CHD9: variants seen among roughly 807,000 people sequenced by gnomAD.
CHD9 encodes ATP-dependent chromatin remodeler CHD9.
Under a neutral mutation model 316.1 loss-of-function variants are expected in CHD9, and 77 were observed. The ratio of observed to expected loss-of-function variants is 0.24; its 90% CI spans 0.20 to 0.29. The LOEUF (loss-of-function observed/expected upper bound fraction) is 0.29. CHD9 is among the 10% of genes least tolerant of loss of function. CHD9 has a pLI of 1.00. For synonymous variants in CHD9, 1,129 were observed against 1,158.3 expected (o/e 0.97, Z 0.51); for missense variants, 2,763 against 3,438.1 (o/e 0.80, Z 4.91).
chr16:53,247,037 A>G (rs1478770348), intron 15 of CHD9, among the ~76,000 whole-genome samples: 1 of 152,240 alleles, frequency 6.6e-6, no homozygotes, highest in Non-Finnish European at 1.5e-5. Flanking sequence ...ACATAAATTT[A>G]TAAAAGGCAT....
Position 53,321,565 on chromosome 16 carries a change from A to C in CHD9, c.7753A>C (p.Arg2585=). 1 of 1,554,088 alleles carries C rather than the reference A, an allele frequency of 6.4e-7. No individual in the cohort carries two copies. ...TGCTCCCCCTTTGAAAGATTTATGT[A>C]GATTCCTAAAAGAAAATTCAGAATA... The part of the protein sequence containing the change: ...AFAPPLKDLC[R]FLKENSEYGV... Residue 2585 remains arginine, a synonymous_variant, in exon 38 of 39, where the codon AGA becomes CGA. Transcript: ENST00000447540.
chr16:53,306,177 TTATA>T lies in CHD9; in HGVS notation c.6620-55_6620-52del, dbSNP rs1310981374. On this transcript the variant is annotated intron_variant, in intron 31 of 38. Transcript: ENST00000447540. The stretch of plus-strand genomic sequence containing the variant: ...GTTTCTGAATAATTATGTAAAATCC[TTATA>T]TATAAAACTATTTTATGTAGTCTTT... The T allele has an allele frequency of 2.9e-5, 29 of 989,266 alleles. No individual in the cohort carries two copies. The East Asian group carries it at 9.0e-4, about 31-fold the overall frequency. 61.3% of individuals were successfully genotyped at this position (989,266 alleles called of 1,614,324 possible). A position where few individuals can be genotyped will look rare whatever the true frequency, so the allele number is the denominator to read the frequency against.
intron 19 of CHD9, among the ~76,000 whole-genome samples, chr16:53,256,645 T>G (rs1248099994): frequency 7.4e-6 from 1 of 134,978 alleles, no homozygotes; most frequent in Non-Finnish European, 1.6e-5. Flanking sequence ...TCTTTCTCTC[T>G]CCTTTTTTTT....
chr16:53,081,243 C>G (rs1346723888), intron 1 of CHD9, among the ~76,000 whole-genome samples: 2 of 152,200 alleles, frequency 1.3e-5, no homozygotes, highest in Non-Finnish European at 2.9e-5. Flanking sequence ...TCAGGACAGT[C>G]TTTGGTGGAT....
At chr16:53,056,544 T>C (rs2152488846) in intron 1 of CHD9, among the ~76,000 whole-genome samples, 1 of 152,300 alleles carries the variant, frequency 6.6e-6, no homozygotes, top group South Asian at 2.1e-4. Flanking sequence ...AAGAAGCATG[T>C]CCCATATTTG....
chr16:53,192,137 AC>A (rs1234601978), intron 2 of CHD9, among the ~76,000 whole-genome samples: 1 of 151,888 alleles, frequency 6.6e-6, no homozygotes, highest in Non-Finnish European at 1.5e-5. Flanking sequence ...ATGTGCCTGC[AC>A]ACATGCGTGT....
chr16:53,236,296 C>T (rs1167180707), intron 11 of CHD9, among the ~76,000 whole-genome samples: 1 of 152,068 alleles, frequency 6.6e-6, no homozygotes. Context: ...ATGACTGCTT[C>T]ATAGAGAAAC....
chr16:53,199,535 T>C (rs1368222704), intron 2 of CHD9, among the ~76,000 whole-genome samples: 2 of 152,210 alleles, frequency 1.3e-5, no homozygotes, highest in Non-Finnish European at 2.9e-5. Context: ...AGTTTGGGCA[T>C]TTAGTGTACT....
intron 24 of CHD9, among the ~76,000 whole-genome samples, chr16:53,280,911 G>A (rs771367969): frequency 7.2e-5 from 11 of 151,932 alleles, no homozygotes; most frequent in Non-Finnish European, 1.0e-4. Context: ...TTACTCCCTC[G>A]TCCTCCATAA....
intron 2 of CHD9, among the ~76,000 whole-genome samples, chr16:53,160,736 G>A (rs892932155): frequency 2.6e-5 from 4 of 152,028 alleles, no homozygotes; most frequent in Admixed American, 6.6e-5. Context: ...GTGAAACCCC[G>A]TCTCTACTAA....
chr16:53,112,643 A>G lies in CHD9; in HGVS notation c.-164-43283A>G, dbSNP rs541671806. Among the ~76,000 whole-genome samples the G allele has an allele frequency of 1.2e-3, 184 of 152,350 alleles. 2 individuals carry two copies. In the Middle Eastern group the frequency reaches 0.024, roughly 20 times the overall value. On this transcript the variant is annotated intron_variant, in intron 1 of 38. Transcript: ENST00000447540. ...GATTTTTTTTTCCTTAAAGTTCACT[A>G]ACAAGACAAAAGACCAGTACTTTTT...
chr16:53,207,493 C>T (rs1482956253), intron 2 of CHD9, among the ~76,000 whole-genome samples: 1 of 152,108 alleles, frequency 6.6e-6, no homozygotes, highest in Non-Finnish European at 1.5e-5. Flanking sequence ...AAATTTTAAG[C>T]TTCTTTTTAT....
In CHD9 at chr16:53,157,215, G is replaced by A; in HGVS notation, c.1126G>A (p.Asp376Asn). The change falls in exon 2 of 39, where the codon GAT (aspartate) becomes AAT (asparagine). Residue 376 changes from aspartate to asparagine, a missense_variant. Around this residue, in one of 15 missense-constraint regions of CHD9, gnomAD observed 859 missense variants for 890.4 expected, o/e 0.96. Coordinates refer to ENST00000447540, the MANE Select transcript of CHD9 (RefSeq NM_001308319.2). ...DSGTQMGHFN[D>N]HVETNGFSSL... ...AGGAACTCAAATGGGCCATTTCAATGATCATGTAGAAACTAATGGCTTTTC... is the reference window on the plus strand; with the variant it reads ...AGGAACTCAAATGGGCCATTTCAATAATCATGTAGAAACTAATGGCTTTTC... The A allele has an allele frequency of 6.2e-7, 1 of 1,603,194 alleles. No homozygotes were observed. The highest frequency in any genetic ancestry group is 1.7e-4 in the Middle Eastern group (1 of 6,052).
intron 24 of CHD9, among the ~76,000 whole-genome samples, chr16:53,275,823 G>C (rs1441721826): frequency 6.6e-6 from 1 of 152,100 alleles, no homozygotes; most frequent in African/African-American, 2.4e-5. Flanking sequence ...GGTTTATGGT[G>C]ACTGACTTCT....
intron 27 of CHD9, among the ~76,000 whole-genome samples, chr16:53,291,514 T>C (rs1431060624): frequency 1.3e-5 from 2 of 152,206 alleles, no homozygotes; most frequent in Non-Finnish European, 2.9e-5. Flanking sequence ...TAGTAAATAA[T>C]GACTGTCTAA....
At chr16:53,214,802 C>T (rs1318266339) in intron 3 of CHD9, among the ~76,000 whole-genome samples, 1 of 151,962 alleles carries the variant, frequency 6.6e-6, no homozygotes, top group African/African-American at 2.4e-5. Context: ...AACAGACACA[C>T]CATTAATTTT....
intron 10 of CHD9, among the ~76,000 whole-genome samples, chr16:53,233,268 A>G (rs1025591340): frequency 6.6e-6 from 1 of 152,186 alleles, no homozygotes; most frequent in African/African-American, 2.4e-5. Flanking sequence ...AGCAGCTCAC[A>G]GCACTCAGGA....
Position 53,076,490 on chromosome 16 carries a change from G to A in CHD9, c.-165+21413G>A, listed in dbSNP as rs1009424414. ...CTCAGGAGGCTGAGGCAGGGAAATC[G>A]CTTGAACCCAGGAGGCAGAGGTTGC... is the stretch of plus-strand genomic sequence containing the variant. On this transcript the variant is annotated intron_variant, in intron 1 of 38. Transcript: ENST00000447540. Among the ~76,000 whole-genome samples the A allele has an allele frequency of 3.9e-5, 6 of 152,142 alleles. No homozygotes were observed. The East Asian group carries it at 7.7e-4, about 20-fold the overall frequency.
At chr16:53,097,470 G>A (rs963619135) in intron 1 of CHD9, among the ~76,000 whole-genome samples, 2 of 151,632 alleles carry the variant, frequency 1.3e-5, no homozygotes, top group East Asian at 1.9e-4. Flanking sequence ...GACGATCATA[G>A]CTCACTGCAG....
Sources: allele counts gnomAD v4.1 joint callset (sites outside exome capture counted in the v4.1 genomes callset), GRCh38; gene constraint gnomAD v4.1.1; regional missense constraint gnomAD v4.1.1; transcripts MANE v1.5; gene names NCBI Gene and HGNC (gene_info 2026-07-23, HGNC 2026-07-21).